The following MAP3K20 variants were observed in gnomAD, a reference collection of about 807,000 sequenced individuals.
The protein encoded by MAP3K20 is mitogen-activated protein kinase kinase kinase 20, also known as HCCS-4.
A neutral mutation model predicts 85.7 loss-of-function variants in MAP3K20; 40 were observed. The ratio of observed to expected loss-of-function variants is 0.47; its 90% CI spans 0.36 to 0.61. The LOEUF (loss-of-function observed/expected upper bound fraction) is 0.61, where lower values mean the gene tolerates loss of function less well. Among genes scored for constraint, MAP3K20 ranks in the 20% least tolerant of loss-of-function variants. The probability of loss-of-function intolerance (pLI) is 0.00; values close to 1 mark genes in which losing one functional copy is unlikely to be tolerated. For synonymous variants in MAP3K20, 325 were observed against 327.7 expected, an observed-to-expected ratio of 0.99 and a Z score of 0.09; for missense variants, 817 against 961.7, an observed-to-expected ratio of 0.85 and a Z score of 1.99.
At chr2:173,232,884 G>A (rs1684555745) in intron 14 of MAP3K20, among the ~76,000 whole-genome samples, 1 of 152,148 alleles carries the variant, frequency 6.6e-6, no homozygotes, top group Non-Finnish European at 1.5e-5. Flanking sequence ...GTGCTATGCT[G>A]GTCATTACTG....
chr2:173,192,643 A>G (rs1243789430), intron 7 of MAP3K20, among the ~76,000 whole-genome samples: 2 of 152,236 alleles, frequency 1.3e-5, no homozygotes, highest in Non-Finnish European at 2.9e-5. Flanking sequence ...CTGGTCTCCT[A>G]TGTCAAATGT....
intron 2 of MAP3K20, among the ~76,000 whole-genome samples, chr2:173,147,801 G>A (rs1410894093): frequency 2.0e-5 from 3 of 152,056 alleles, no homozygotes; most frequent in Non-Finnish European, 2.9e-5. Flanking sequence ...TGGCCAGGAT[G>A]GTCTTGATTT....
At chr2:173,128,812 C>G (rs895139839) in intron 2 of MAP3K20, among the ~76,000 whole-genome samples, 1 of 151,826 alleles carries the variant, frequency 6.6e-6, no homozygotes, top group African/African-American at 2.4e-5. Context: ...AAATAAGAAC[C>G]TGTTTTTCCT....
intron 2 of MAP3K20, among the ~76,000 whole-genome samples, chr2:173,144,270 A>T (rs35464261): frequency 0.25 from 37,271 of 151,844 alleles, 4,765 homozygotes; most frequent in Non-Finnish European, 0.27. Flanking sequence ...AAGACCATCC[A>T]GGCTAACACA....
chr2:173,087,336 C>G (rs1232429175), intron 1 of MAP3K20, among the ~76,000 whole-genome samples: 1 of 152,136 alleles, frequency 6.6e-6, no homozygotes, highest in Non-Finnish European at 1.5e-5. Context: ...GTATTTGAAG[C>G]AGAGACACTA....
At position 173,267,180 on chromosome 2, in the gene MAP3K20, A is replaced by C. The variant is rs1685445305; in HGVS notation, c.*430A>C. The C allele has an allele frequency of 6.5e-6, 1 of 153,838 alleles. No homozygotes were observed. Among genetic ancestry groups the C allele is most frequent in the Non-Finnish European group, 1.4e-5 (1 of 69,222 alleles). The allele number at this position is 153,838 out of a possible 1,614,324, so 9.5% of individuals were successfully genotyped here. ...CAATATGGCCTGGCAAGGCACTGTT[A>C]CTGATCTTGTCTTTAACATTTTGAT... On this transcript the variant is annotated 3_prime_UTR_variant, in exon 20 of 20. Coordinates refer to ENST00000375213, the MANE Select transcript of MAP3K20 (RefSeq NM_016653.3).
chr2:173,170,671 TAAC>T (rs1159266113), intron 3 of MAP3K20, among the ~76,000 whole-genome samples: 1 of 152,122 alleles, frequency 6.6e-6, no homozygotes, highest in African/African-American at 2.4e-5. Flanking sequence ...TTATAGAAAA[TAAC>T]AACAAAACAC....
intron 2 of MAP3K20, among the ~76,000 whole-genome samples, chr2:173,102,416 G>T (rs144360282): frequency 2.0e-4 from 31 of 152,180 alleles, no homozygotes; most frequent in African/African-American, 6.7e-4. Context: ...TTCTTATCTG[G>T]TTTGTTTTTG....
chr2:173,258,826 AT>A lies in MAP3K20; in HGVS notation c.1476+14del, dbSNP rs1300444515. On this transcript the variant is annotated intron_variant, in intron 17 of 19. Transcript: ENST00000375213. Reference sequence around the variant, plus strand: ...TTAAAGATGACAAAGGTAGGGTTCTATTTACGGCTTAAAAGCTCTTTTGAAT... The same window carrying A: ...TTAAAGATGACAAAGGTAGGGTTCTATTACGGCTTAAAAGCTCTTTTGAAT... 3 of 1,517,332 alleles carry A rather than the reference AT, an allele frequency of 2.0e-6. No homozygotes were observed. Among genetic ancestry groups the A allele is most frequent in the Non-Finnish European group, 2.7e-6 (3 of 1,094,468 alleles). 94.0% of individuals were successfully genotyped at this position (1,517,332 alleles called of 1,614,324 possible).
rs373588122 is a variant in MAP3K20 at position 173,163,172 on chromosome 2, A to T, written c.160-6633A>T. On this transcript the variant is annotated intron_variant, in intron 2 of 19. Transcript: ENST00000375213. ...AGGGGTACGTGTGCAGGTTTGTAAC[A>T]TGGGTAAATTGTGTGTCATGGGCAG... Among the ~76,000 whole-genome samples, 17 of 152,360 alleles carry T rather than the reference A, an allele frequency of 1.1e-4. 1 individual carries two copies. The highest frequency in any genetic ancestry group is 4.1e-4 in the African/African-American group (17 of 41,584).
intron 10 of MAP3K20, among the ~76,000 whole-genome samples, chr2:173,215,192 T>C (rs1328727049): frequency 6.6e-6 from 1 of 152,216 alleles, no homozygotes; most frequent in Non-Finnish European, 1.5e-5. Context: ...TCTGTCTCAC[T>C]GGCAGGGGTG....
At chr2:173,192,174 A>C (rs1002287285) in intron 7 of MAP3K20, among the ~76,000 whole-genome samples, 10 of 152,170 alleles carry the variant, frequency 6.6e-5, no homozygotes, top group Non-Finnish European at 8.8e-5. Flanking sequence ...TTTAGGTCCA[A>C]ATCAGCCTGT....
intron 1 of MAP3K20, among the ~76,000 whole-genome samples, chr2:173,086,379 A>G (rs949498972): frequency 6.6e-6 from 1 of 152,196 alleles, no homozygotes; most frequent in African/African-American, 2.4e-5. Flanking sequence ...AAATATATAT[A>G]TGGTTTAACT....
At chr2:173,232,977 G>A (rs542234447) in intron 14 of MAP3K20, among the ~76,000 whole-genome samples, 1 of 152,302 alleles carries the variant, frequency 6.6e-6, no homozygotes, top group Admixed American at 6.5e-5. Context: ...ACAGCAAAAA[G>A]GTGCATACAT....
intron 1 of MAP3K20, 135 bp downstream of exon 1, chr2:173,076,137 C>T (rs1415538528): frequency 6.8e-6 from 4 of 591,998 alleles, no homozygotes; most frequent in Non-Finnish European, 6.4e-6. Flanking sequence ...GGAGGCTCCT[C>T]GGGGCTCCCC....
At chr2:173,217,520 A>T (rs1684114575) in intron 11 of MAP3K20, among the ~76,000 whole-genome samples, 1 of 152,198 alleles carries the variant, frequency 6.6e-6, no homozygotes, top group African/African-American at 2.4e-5. Flanking sequence ...TATATATTAG[A>T]ATTACAATAA....
chr2:173,251,384 T>C (rs949126441), intron 16 of MAP3K20, among the ~76,000 whole-genome samples: 1 of 152,164 alleles, frequency 6.6e-6, no homozygotes, highest in Non-Finnish European at 1.5e-5. Flanking sequence ...AGATTTGGCA[T>C]GCGTGGACTT....
intron 2 of MAP3K20, among the ~76,000 whole-genome samples, chr2:173,121,159 A>T (rs1394854419): frequency 2.0e-5 from 3 of 152,040 alleles, no homozygotes; most frequent in African/African-American, 7.2e-5. Context: ...CCATAACTGA[A>T]TTTTCCAGTG....
At chr2:173,173,293 G>A (rs1690061882) in intron 3 of MAP3K20, among the ~76,000 whole-genome samples, 1 of 151,928 alleles carries the variant, frequency 6.6e-6, no homozygotes, top group Admixed American at 6.6e-5. Flanking sequence ...TTTGTAGCAA[G>A]CCAGATTGGA....
Sources: gnomAD v4.1 joint callset for allele counts (sites outside exome capture counted in the v4.1 genomes callset) on GRCh38, gnomAD v4.1.1 for gene constraint, MANE v1.5 for transcripts, NCBI Gene and HGNC (gene_info 2026-07-23, HGNC 2026-07-21) for gene names.